The following CREB1 variants were observed in gnomAD, a reference collection of about 807,000 sequenced individuals.
CREB1 encodes the protein cyclic AMP-responsive element-binding protein 1.
In CREB1, 2 loss-of-function variants were observed where a neutral mutation model predicts 42.0. The ratio of observed to expected loss-of-function variants is 0.05; its 90% CI spans 0.02 to 0.15. CREB1 has a LOEUF of 0.15. Ranked by LOEUF, CREB1 falls within the 10% of genes least tolerant of loss-of-function variation. The pLI is 1.00. For synonymous variants in CREB1, 123 were observed against 139.9 expected, an observed-to-expected ratio of 0.88 and a Z score of 0.85; for missense variants, 199 against 388.9, an observed-to-expected ratio of 0.51 and a Z score of 4.11.
At position 207,603,136 on chromosome 2, in the gene CREB1, C is replaced by T. The variant is rs1280399326; in HGVS notation, c.*6078C>T. The T allele has an allele frequency of 4.8e-6, 1 of 210,412 alleles. No homozygotes were observed. Among genetic ancestry groups the T allele is most frequent in the Non-Finnish European group, 9.6e-6 (1 of 103,828 alleles). 13.0% of individuals were successfully genotyped at this position (210,412 alleles called of 1,614,324 possible). ...GGGAAATACATTTCTAATAAAATTC[C>T]CTACATTCTAGAAACATCCCTGTTT... On this transcript the variant is annotated 3_prime_UTR_variant, in exon 8 of 8. Coordinates refer to ENST00000353267, the MANE Select transcript of CREB1 (RefSeq NM_004379.5).
intron 7 of CREB1, among the ~76,000 whole-genome samples, chr2:207,590,453 A>G (rs1330697936): frequency 6.6e-6 from 1 of 151,118 alleles, no homozygotes; most frequent in African/African-American, 2.4e-5. Flanking sequence ...AATTGTATTG[A>G]TTTGTACTCT....
intron 1 of CREB1, chr2:207,550,691 T>C (rs1460098678): frequency 6.6e-6 from 1 of 152,192 alleles, no homozygotes; most frequent in African/African-American, 2.4e-5. Context: ...TTGATGAAGA[T>C]TTTTGTTAAC....
intron 1 of CREB1, among the ~76,000 whole-genome samples, chr2:207,540,669 T>TAAAAAAAAAAAA (rs35714520): frequency 4.7e-5 from 3 of 64,250 alleles, no homozygotes; most frequent in African/African-American, 7.0e-5. Context: ...GTTTAAAAAG[T>TAAAAAAAAAAAA]AAAAAAAAAA....
Position 207,602,314 on chromosome 2 carries a change from G to A in CREB1, c.*5256G>A, listed in dbSNP as rs1245661141. ...ATTATAAACAGGCAGTTTTAGCACAGAAAGAAAATACTGACCTGTCTGCAT... is the reference window on the plus strand; with the variant it reads ...ATTATAAACAGGCAGTTTTAGCACAAAAAGAAAATACTGACCTGTCTGCAT... On this transcript the variant is annotated 3_prime_UTR_variant, in exon 8 of 8. Transcript: ENST00000353267. 1 of 196,716 alleles carries A rather than the reference G, an allele frequency of 5.1e-6. No homozygotes were observed. Among genetic ancestry groups the A allele is most frequent in the Admixed American group, 6.1e-5 (1 of 16,480 alleles). 12.2% of individuals were successfully genotyped at this position (196,716 alleles called of 1,614,324 possible).
At chr2:207,577,940 G>A (rs2082659430) in intron 7 of CREB1, 2 of 395,904 alleles carry the variant, frequency 5.1e-6, no homozygotes, top group South Asian at 2.2e-5. Flanking sequence ...CAACCAGTTA[G>A]CCAGGTTATT....
At chr2:207,551,604 G>A (rs1333506208) in intron 1 of CREB1, among the ~76,000 whole-genome samples, 1 of 152,072 alleles carries the variant, frequency 6.6e-6, no homozygotes, top group Non-Finnish European at 1.5e-5. Flanking sequence ...CAAGAGGCTA[G>A]GTGACCTCTT....
At chr2:207,559,328 C>T (rs911706570) in intron 2 of CREB1, 31 of 975,246 alleles carry the variant, frequency 3.2e-5, no homozygotes, top group Non-Finnish European at 3.8e-5. Context: ...GCCTCCCCTT[C>T]TCTTAGGTTG....
chr2:207,577,856 G>C (rs1156377269), intron 7 of CREB1: 17 of 576,732 alleles, frequency 2.9e-5, no homozygotes, highest in Non-Finnish European at 4.2e-5. Flanking sequence ...GTCAATCTTT[G>C]ATCGTGGAGT....
chr2:207,561,958 T>G (rs1377890148), intron 3 of CREB1, among the ~76,000 whole-genome samples: 1 of 152,226 alleles, frequency 6.6e-6, no homozygotes, highest in Non-Finnish European at 1.5e-5. Flanking sequence ...AGTAATGTTT[T>G]TGTGTGAAAT....
At position 207,570,242 on chromosome 2, in the gene CREB1, TG is replaced by T; in HGVS notation, c.427del (p.Glu143LysfsTer12). 6.2e-7 allele frequency: 1 copy of T among 1,613,912 alleles called. No individual in the cohort carries two copies. Among genetic ancestry groups the T allele is most frequent in the Non-Finnish European group, 8.5e-7 (1 of 1,179,834 alleles). On this transcript the variant is annotated frameshift_variant, in exon 5 of 8. Coordinates refer to ENST00000353267, the MANE Select transcript of CREB1 (RefSeq NM_004379.5). LOFTEE classifies it high-confidence loss of function. The stretch of plus-strand genomic sequence containing the variant: ...TGCCAAGGATTGAAGAAGAGAAGTC[TG>T]AAGAGGAGACTTCAGCACCTGCCAT... The part of the protein sequence containing the change: ...GVPRIEEEKS[E>X]EETSAPAITT...
chr2:207,603,866 CCTATA>C lies in CREB1; in HGVS notation c.*6813_*6817del, dbSNP rs1251840704. On this transcript the variant is annotated 3_prime_UTR_variant, in exon 8 of 8. Transcript: ENST00000353267. ...AGCTGTAAGAATAAAAAAGTTATCTCCTATACTATTAACTTCTGAAATAAGTTCTG... is the reference window on the plus strand; with the variant it reads ...AGCTGTAAGAATAAAAAAGTTATCTCCTATTAACTTCTGAAATAAGTTCTG... Among the ~76,000 whole-genome samples the C allele has an allele frequency of 4.6e-5, 7 of 152,142 alleles. No homozygotes were observed. Among genetic ancestry groups the C allele is most frequent in the Non-Finnish European group, 2.9e-5 (2 of 68,028 alleles).
chr2:207,586,808 C>T (rs2083924319), intron 7 of CREB1, among the ~76,000 whole-genome samples: 1 of 152,160 alleles, frequency 6.6e-6, no homozygotes, highest in Non-Finnish European at 1.5e-5. Flanking sequence ...AAAAGCTCAA[C>T]ATTACTAATT....
chr2:207,604,829 C>G lies in CREB1; in HGVS notation c.*7771C>G, dbSNP rs1045448254. 6.6e-6 allele frequency among the ~76,000 whole-genome samples: 1 copy of G among 152,228 alleles called. No individual in the cohort carries two copies. Among genetic ancestry groups the G allele is most frequent in the Non-Finnish European group, 1.5e-5 (1 of 68,048 alleles). ...CCGGGTATTTCATGTGAGACTCATA[C>G]ACTGTGTATTACTTCTTTCGTCTAG... is the stretch of plus-strand genomic sequence containing the variant. On this transcript the variant is annotated 3_prime_UTR_variant, in exon 8 of 8. Transcript: ENST00000353267.
At chr2:207,560,517 C>A in intron 3 of CREB1, 145 bp downstream of exon 3, 1 of 680,308 alleles carries the variant, frequency 1.5e-6, no homozygotes, top group Non-Finnish European at 2.3e-6. Context: ...TCTGTATAGT[C>A]ACCTTATGTA....
In CREB1 at chr2:207,592,911, C is replaced by CAAAAAAGAAAAAAAAAAGAA. The variant is rs146008919; in HGVS notation, c.840-3992_840-3991insAAAAAAGAAAAAAAAGAAAA. On this transcript the variant is annotated intron_variant, in intron 7 of 7. Transcript: ENST00000353267. ...CTGGCGACAGAGCAAGACTCCATCT[C>CAAAAAAGAAAAAAAAAAGAA]AAAAAAGAAAAGAAAATTCTCAGAT... Among the ~76,000 whole-genome samples the CAAAAAAGAAAAAAAAAAGAA allele has an allele frequency of 1.4e-3, 207 of 145,164 alleles. 4 individuals are homozygous for CAAAAAAGAAAAAAAAAAGAA. The highest frequency in any genetic ancestry group is 0.014 in the South Asian group (63 of 4,504).
chr2:207,562,396 G>A (rs914653142), intron 3 of CREB1, among the ~76,000 whole-genome samples: 1 of 152,112 alleles, frequency 6.6e-6, no homozygotes, highest in Non-Finnish European at 1.5e-5. Context: ...ATTGTTGATT[G>A]TATTCTTGAT....
intron 7 of CREB1, among the ~76,000 whole-genome samples, chr2:207,589,046 G>A (rs1023984868): frequency 1.3e-5 from 2 of 152,078 alleles, no homozygotes; most frequent in Admixed American, 1.3e-4. Context: ...GGAGTGGTGA[G>A]AGAGGACATC....
At chr2:207,538,663 TAAG>T (rs368975095) in intron 1 of CREB1, among the ~76,000 whole-genome samples, 10 of 152,330 alleles carry the variant, frequency 6.6e-5, no homozygotes, top group African/African-American at 2.2e-4. Context: ...TTTGATTAGA[TAAG>T]AAAGGGTTAA....
At chr2:207,585,447 CA>C (rs1337907224) in intron 7 of CREB1, among the ~76,000 whole-genome samples, 1 of 152,166 alleles carries the variant, frequency 6.6e-6, no homozygotes, top group East Asian at 1.9e-4. Flanking sequence ...TCTTTCTCTA[CA>C]AAAGCCAGTC....
Sources: gnomAD v4.1 joint callset for allele counts (sites outside exome capture counted in the v4.1 genomes callset) on GRCh38, gnomAD v4.1.1 for gene constraint, MANE v1.5 for transcripts, NCBI Gene and HGNC (gene_info 2026-07-23, HGNC 2026-07-21) for gene names.